The following ADAM18 variants were observed in gnomAD, a reference collection of about 807,000 sequenced individuals.
ADAM18 encodes the protein ADAM metallopeptidase domain 18, also known as disintegrin and metalloproteinase domain-containing protein 18.
ADAM18 carries 117 observed loss-of-function variants against 94.4 expected under a neutral mutation model. The ratio of observed to expected loss-of-function variants is 1.24; its 90% CI spans 1.07 to 1.45. The LOEUF is 1.45. Ranked by LOEUF, ADAM18 falls within the 40% of genes most tolerant of loss-of-function variation. The pLI, the probability that ADAM18 is intolerant of heterozygous loss-of-function variation, is 0.00. For missense variants in ADAM18, 936 were observed against 880.0 expected (o/e 1.06, Z -0.81); for synonymous variants, 327 against 291.6 (o/e 1.12, Z -1.24).
chr8:39,643,818 G>T (rs928072614), intron 10 of ADAM18, among the ~76,000 whole-genome samples: 11 of 150,258 alleles, frequency 7.3e-5, no homozygotes, highest in Non-Finnish European at 1.5e-4. Context: ...ATTTATGCTG[G>T]AAGTGCAAGA....
intron 2 of ADAM18, among the ~76,000 whole-genome samples, chr8:39,595,265 C>T (rs1372140023): frequency 1.3e-5 from 2 of 151,946 alleles, no homozygotes; most frequent in African/African-American, 4.8e-5. Flanking sequence ...AACTGGAATC[C>T]TGAATAGGTG....
chr8:39,635,776 T>C (rs1820059573), intron 7 of ADAM18, among the ~76,000 whole-genome samples: 1 of 152,188 alleles, frequency 6.6e-6, no homozygotes, highest in South Asian at 2.1e-4. Context: ...TAGAAATGTT[T>C]CTCAGTTTGG....
At chr8:39,622,070 C>T (rs947766956) in intron 6 of ADAM18, among the ~76,000 whole-genome samples, 6 of 151,932 alleles carry the variant, frequency 3.9e-5, no homozygotes, top group African/African-American at 1.5e-4. Flanking sequence ...TGTACATGTA[C>T]CCCTGAACTT....
chr8:39,637,559 C>T lies in ADAM18; in HGVS notation c.683C>T (p.Thr228Ile), dbSNP rs267601917. 6.2e-7 allele frequency: 1 copy of T among 1,610,696 alleles called. No homozygotes were observed. The highest frequency in any genetic ancestry group is 1.3e-5 in the African/African-American group (1 of 74,780). Reference protein sequence around the residue: ...VNTMFTQFKLTVILSSLELWS... With the variant: ...VNTMFTQFKLIVILSSLELWS... ...TAGATGTTTACCCAGTTCAAATTGA[C>T]TGTTATACTGTCTTCCTTGGAATTG... is the stretch of plus-strand genomic sequence containing the variant. Residue 228 changes from threonine to isoleucine, a missense_variant, in exon 9 of 20, where the codon ACT becomes ATT. By Grantham distance (89) the Thr-to-Ile change is moderately conservative. Transcript: ENST00000265707.
At chr8:39,605,819 A>T in intron 2 of ADAM18, 1 of 169,684 alleles carries the variant, frequency 5.9e-6, no homozygotes, top group East Asian at 1.8e-4. Context: ...CGAGCAGTAT[A>T]CACTGAACCC....
intron 16 of ADAM18, among the ~76,000 whole-genome samples, chr8:39,686,892 G>T (rs1821620506): frequency 6.6e-6 from 1 of 152,144 alleles, no homozygotes; most frequent in South Asian, 2.1e-4. Flanking sequence ...ACTTTGTTTG[G>T]TGCATATTCA....
At chr8:39,705,607 C>T in intron 17 of ADAM18, among the ~76,000 whole-genome samples, 1 of 151,986 alleles carries the variant, frequency 6.6e-6, no homozygotes, top group East Asian at 1.9e-4. Flanking sequence ...ATACTGTGCA[C>T]TAAATATTCA....
intron 12 of ADAM18, among the ~76,000 whole-genome samples, chr8:39,655,959 G>A (rs1820670612): frequency 6.6e-6 from 1 of 151,864 alleles, no homozygotes; most frequent in Admixed American, 6.5e-5. Context: ...CAAATCATTA[G>A]GAGAAAAATT....
intron 13 of ADAM18, among the ~76,000 whole-genome samples, chr8:39,664,347 T>C (rs1351227326): frequency 6.6e-6 from 1 of 152,214 alleles, no homozygotes; most frequent in East Asian, 1.9e-4. Context: ...ACAGAGATAA[T>C]AAAAATATAT....
intron 2 of ADAM18, among the ~76,000 whole-genome samples, chr8:39,602,020 C>T (rs968909129): frequency 6.6e-6 from 1 of 152,162 alleles, no homozygotes; most frequent in Non-Finnish European, 1.5e-5. Flanking sequence ...TTTAATGCTG[C>T]ATAATAATCT....
At chr8:39,597,239 C>T (rs915886847) in intron 2 of ADAM18, among the ~76,000 whole-genome samples, 3 of 151,978 alleles carry the variant, frequency 2.0e-5, no homozygotes, top group African/African-American at 7.2e-5. Flanking sequence ...TCTTCATATA[C>T]TTGACAGTGT....
At chr8:39,613,779 A>T (rs1384144828) in intron 6 of ADAM18, among the ~76,000 whole-genome samples, 1 of 152,236 alleles carries the variant, frequency 6.6e-6, no homozygotes, top group Admixed American at 6.5e-5. Flanking sequence ...TTAAAGAAAG[A>T]ATCAAACTGC....
intron 12 of ADAM18, among the ~76,000 whole-genome samples, chr8:39,656,189 G>A (rs1820677589): frequency 6.6e-6 from 1 of 150,544 alleles, no homozygotes; most frequent in Non-Finnish European, 1.5e-5. Flanking sequence ...TAGCCAAGGT[G>A]ATCTTGAAAA....
At chr8:39,705,822 G>C (rs1418496029) in intron 17 of ADAM18, among the ~76,000 whole-genome samples, 1 of 152,052 alleles carries the variant, frequency 6.6e-6, no homozygotes, top group Non-Finnish European at 1.5e-5. Context: ...TTACACTACT[G>C]AATATTATGA....
At chr8:39,590,812 A>T (rs564347518) in intron 2 of ADAM18, among the ~76,000 whole-genome samples, 1 of 152,300 alleles carries the variant, frequency 6.6e-6, no homozygotes, top group South Asian at 2.1e-4. Context: ...GAAATAGAAC[A>T]TAAGAGCAAG....
At chr8:39,624,583 G>A (rs577195094) in intron 6 of ADAM18, among the ~76,000 whole-genome samples, 33 of 152,110 alleles carry the variant, frequency 2.2e-4, no homozygotes, top group African/African-American at 6.8e-4. Flanking sequence ...GTCATGTAGC[G>A]TCTCCAGATA....
chr8:39,635,682 T>C (rs571327446), intron 7 of ADAM18, among the ~76,000 whole-genome samples: 2 of 152,328 alleles, frequency 1.3e-5, no homozygotes, highest in Admixed American at 1.3e-4. Context: ...ATGTTTCTTT[T>C]TTCTACTCCA....
At chr8:39,677,597 G>T (rs2129580476) in intron 15 of ADAM18, 61 bp downstream of exon 15, 2 of 1,259,318 alleles carry the variant, frequency 1.6e-6, no homozygotes, top group Non-Finnish European at 2.2e-6. Context: ...TTTATCAAGA[G>T]ACACTAAGTA....
chr8:39,668,299 A>G, intron 14 of ADAM18, 103 bp downstream of exon 14: 1 of 1,090,168 alleles, frequency 9.2e-7, no homozygotes, highest in South Asian at 1.9e-5. Flanking sequence ...CTGAACCACA[A>G]GATTAATAAA....
Sources: allele counts gnomAD v4.1 joint callset (sites outside exome capture counted in the v4.1 genomes callset), GRCh38; gene constraint gnomAD v4.1.1; transcripts MANE v1.5; gene names NCBI Gene and HGNC (gene_info 2026-07-23, HGNC 2026-07-21).